The following SPTBN2 variants were observed in gnomAD, a reference collection of about 807,000 sequenced individuals.
SPTBN2 encodes spectrin beta chain, non-erythrocytic 2.
A neutral mutation model predicts 284.2 loss-of-function variants in SPTBN2; 107 were observed. That is an observed-to-expected ratio of 0.38 (90% CI 0.32 to 0.44). The LOEUF is 0.44. SPTBN2 is among the 20% of genes least tolerant of loss of function. The pLI is 1.00. For synonymous variants in SPTBN2, 1,289 were observed against 1,354.8 expected, an observed-to-expected ratio of 0.95 and a Z score of 1.07; for missense variants, 2,569 against 3,287.1, an observed-to-expected ratio of 0.78 and a Z score of 5.34.
chr11:66,715,288 A>T lies in SPTBN2; in HGVS notation c.417T>A (p.His139Gln). The change falls in exon 5 of 38, where the codon CAT (histidine) becomes CAA (glutamine). Residue 139 changes from histidine to glutamine, a missense_variant. His to Gln is a conservative substitution (Grantham distance 24). This residue lies in a region of SPTBN2 where 304 missense variants were observed against 522.1 expected (regional missense o/e 0.58). Transcript: ENST00000533211. The surrounding 1 kb of genome is among the most constrained non-coding windows in gnomAD (Gnocchi z 5.3). The stretch of plus-strand genomic sequence containing the variant: ...GTCGGTGGTTTCCGTCCACAATGTC[A>T]TGGGAGCCCATGTTTTCCAAGTGCA... ...QKVHLENMGS[H>Q]DIVDGNHRLT... 1 of 1,614,226 alleles carries T rather than the reference A, an allele frequency of 6.2e-7. No homozygotes were observed. Among genetic ancestry groups the T allele is most frequent in the Non-Finnish European group, 8.5e-7 (1 of 1,180,032 alleles).
intron 3 of SPTBN2, 80 bp downstream of exon 3, chr11:66,721,004 A>G: frequency 1.3e-6 from 2 of 1,590,656 alleles, no homozygotes; most frequent in Non-Finnish European, 8.6e-7. Flanking sequence ...CAGTCTTCCC[A>G]TAAAGTTAAA....
At position 66,690,078 on chromosome 11, in the gene SPTBN2, T is replaced by C; in HGVS notation, c.5771A>G (p.Asp1924Gly). The change falls in exon 28 of 38, where the codon GAT (aspartate) becomes GGT (glycine). Residue 1924 changes from aspartate to glycine, a missense_variant. By Grantham distance (94) the Asp-to-Gly change is moderately conservative. Coordinates refer to ENST00000533211, the MANE Select transcript of SPTBN2 (RefSeq NM_006946.4). Reference sequence around the variant, plus strand: ...GGCATCCATCTGCAGGTTGACCTCATCCATCCAGAGCATCAGTTCCCGGAC... The same window carrying C: ...GGCATCCATCTGCAGGTTGACCTCACCCATCCAGAGCATCAGTTCCCGGAC... Reference protein sequence around the residue: ...KAVRELMLWMDEVNLQMDAQE... With the variant: ...KAVRELMLWMGEVNLQMDAQE... 2 of 1,614,230 alleles carry C rather than the reference T, an allele frequency of 1.2e-6. No individual in the cohort carries two copies. Among genetic ancestry groups the C allele is most frequent in the Non-Finnish European group, 8.5e-7 (1 of 1,180,038 alleles).
intron 1 of SPTBN2, among the ~76,000 whole-genome samples, chr11:66,734,292 T>C (rs1392001220): frequency 6.6e-6 from 1 of 151,954 alleles, no homozygotes; most frequent in African/African-American, 2.4e-5. Flanking sequence ...GCGGCTAGAG[T>C]AGTCTCTTTA....
rs1940705499 is a variant in SPTBN2 at position 66,693,491 on chromosome 11, GC to G, written c.4594-46del. Reference sequence around the variant, plus strand: ...AGAAAATGCTGAAAGTCCTGCCCCAGCCCCACGTGCTCCCGGAGACCACCCT... The same window carrying G: ...AGAAAATGCTGAAAGTCCTGCCCCAGCCCACGTGCTCCCGGAGACCACCCT... On this transcript the variant is annotated intron_variant, in intron 23 of 37. Coordinates refer to ENST00000533211, the MANE Select transcript of SPTBN2 (RefSeq NM_006946.4). The surrounding 1 kb of genome is among the most constrained non-coding windows in gnomAD (Gnocchi z 5.7). 1.3e-6 allele frequency: 2 copies of G among 1,571,330 alleles called. No individual in the cohort carries two copies. Among genetic ancestry groups the G allele is most frequent in the African/African-American group, 2.7e-5 (2 of 74,090 alleles).
upstream of SPTBN2, among the ~76,000 whole-genome samples, chr11:66,729,967 A>G (rs1209324889): frequency 6.6e-6 from 1 of 151,508 alleles, no homozygotes; most frequent in Non-Finnish European, 1.5e-5. Flanking sequence ...ATGCCCGACT[A>G]ATTTTTGTAT....
rs965130961 is a variant in SPTBN2, at chr11:66,708,759, G to A, written c.1191+143C>T. On this transcript the variant is annotated intron_variant, in intron 11 of 37. Coordinates refer to ENST00000533211, the MANE Select transcript of SPTBN2 (RefSeq NM_006946.4). The surrounding 1 kb of genome is among the most constrained non-coding windows in gnomAD (Gnocchi z 4.4). ...CACATCTGGCACAGTGTGGGCAGCTGGGCAGAGTGCTCGAGTTTCAAGTTG... is the reference window on the plus strand; with the variant it reads ...CACATCTGGCACAGTGTGGGCAGCTAGGCAGAGTGCTCGAGTTTCAAGTTG... The A allele has an allele frequency of 5.8e-6, 4 of 686,908 alleles. No individual in the cohort carries two copies. Among genetic ancestry groups the A allele is most frequent in the Non-Finnish European group, 1.0e-5 (4 of 390,582 alleles). The allele number at this position is 686,908 out of a possible 1,614,324, so 42.6% of individuals were successfully genotyped here.
chr11:66,722,524 C>T (rs1213346952), intron 1 of SPTBN2, among the ~76,000 whole-genome samples: 5 of 144,314 alleles, frequency 3.5e-5, no homozygotes, highest in African/African-American at 5.2e-5. Context: ...TGCAGTGAGC[C>T]GAGATCTCGC....
At chr11:66,716,428 C>T (rs185600787) in intron 3 of SPTBN2, among the ~76,000 whole-genome samples, 1 of 150,770 alleles carries the variant, frequency 6.6e-6, no homozygotes, top group African/African-American at 2.4e-5. Flanking sequence ...TGCAGGGAGC[C>T]GAGATTGTGC....
At chr11:66,724,180 G>T (rs1180913127) in intron 1 of SPTBN2, among the ~76,000 whole-genome samples, 2 of 152,174 alleles carry the variant, frequency 1.3e-5, no homozygotes, top group Non-Finnish European at 2.9e-5. Context: ...CAGCACTTTG[G>T]GAGGCCAAGG....
chr11:66,707,393 G>T lies in SPTBN2; in HGVS notation c.1653+123C>A. ...GTTTACTTTGTTCCCTGCAACTGGG[G>T]ACAGGGCCCTGTGCTGGTTCACACT... On this transcript the variant is annotated intron_variant, in intron 13 of 37. Transcript: ENST00000533211. This position sits in a 1 kb window ranked among gnomAD's most constrained non-coding sequence, Gnocchi z 4.9. The T allele has an allele frequency of 9.6e-7, 1 of 1,045,384 alleles. No individual in the cohort carries two copies. Among genetic ancestry groups the T allele is most frequent in the South Asian group, 1.5e-5 (1 of 65,348 alleles). 64.8% of individuals were successfully genotyped at this position (1,045,384 alleles called of 1,614,324 possible). A position where few individuals can be genotyped will look rare whatever the true frequency, so the allele number is the denominator to read the frequency against.
In SPTBN2 at chr11:66,686,874, G is replaced by C. The variant is rs1288988278; in HGVS notation, c.6896+120C>G. ...CATCTACACTATCCCCAAGTGGCTG[G>C]CCTGGTTACTCCACTCAGGCTCCTT... On this transcript the variant is annotated intron_variant, in intron 36 of 37. Coordinates refer to ENST00000533211, the MANE Select transcript of SPTBN2 (RefSeq NM_006946.4). 6 of 1,348,888 alleles carry C rather than the reference G, an allele frequency of 4.4e-6. No homozygotes were observed. In the African/African-American group the frequency reaches 8.6e-5, roughly 19 times the overall value. The allele number at this position is 1,348,888 out of a possible 1,614,324, so 83.6% of individuals were successfully genotyped here.
rs1940523290 is a variant in SPTBN2 at position 66,691,244 on chromosome 11, T to G, written c.5565+40A>C. The G allele has an allele frequency of 6.7e-7, 1 of 1,502,572 alleles. No individual in the cohort carries two copies. Among genetic ancestry groups the G allele is most frequent in the Non-Finnish European group, 8.9e-7 (1 of 1,124,856 alleles). The allele number at this position is 1,502,572 out of a possible 1,614,324, so 93.1% of individuals were successfully genotyped here. ...TCTCCCCGGCATTTCCCCCATGGCC[T>G]CCTCTAAGCCTCCCCCACCTCCTCA... On this transcript the variant is annotated intron_variant, in intron 27 of 37. Transcript: ENST00000533211. This position sits in a 1 kb window ranked among gnomAD's most constrained non-coding sequence, Gnocchi z 8.0.
At chr11:66,714,039 G>A (rs1030335696) in intron 7 of SPTBN2, 52 bp downstream of exon 7, 5 of 1,581,896 alleles carry the variant, frequency 3.2e-6, no homozygotes, top group Non-Finnish European at 4.3e-6. Flanking sequence ...TGCACCCCAG[G>A]TCATTAGCCG....
intron 1 of SPTBN2, among the ~76,000 whole-genome samples, chr11:66,740,557 A>G (rs975910259): frequency 5.3e-5 from 8 of 152,152 alleles, no homozygotes; most frequent in African/African-American, 1.9e-4. Context: ...TGAAGGGATG[A>G]GCTAATCTGA....
At chr11:66,699,966 TC>T (rs1384390652) in intron 17 of SPTBN2, among the ~76,000 whole-genome samples, 6 of 152,278 alleles carry the variant, frequency 3.9e-5, no homozygotes, top group Non-Finnish European at 7.4e-5. Flanking sequence ...TTTTTCTTTT[TC>T]TTTTTTTTGA....
chr11:66,704,729 C>T lies in SPTBN2; in HGVS notation c.2547G>A (p.Glu849=), dbSNP rs767066674. The T allele has an allele frequency of 4.4e-6, 7 of 1,604,630 alleles. No homozygotes were observed. In the South Asian group the frequency reaches 7.8e-5, roughly 18 times the overall value. The stretch of plus-strand genomic sequence containing the variant: ...GCATGGTGTAGAGCGCCAGGGCTGC[C>T]TCCAAGGCCCGCGCTCGCTCGCCTG... The part of the protein sequence containing the change: ...ARAGERARAL[E]AALALYTMLS... The change falls in exon 15 of 38, where the codon GAG becomes GAA. Residue 849 remains glutamate, a synonymous_variant. Transcript: ENST00000533211.
In SPTBN2 at chr11:66,689,182, TG is replaced by T; in HGVS notation, c.5950-3del. ...CAGCTGAGACAGCTTCTCTGAGATCTGGGGGCGGGGGGCAGAGATATGAGTT... is the reference window on the plus strand; with the variant it reads ...CAGCTGAGACAGCTTCTCTGAGATCTGGGGCGGGGGGCAGAGATATGAGTT... On this transcript the variant is annotated splice_polypyrimidine_tract_variant and splice_region_variant and intron_variant, in intron 29 of 37. Coordinates refer to ENST00000533211, the MANE Select transcript of SPTBN2 (RefSeq NM_006946.4). 2 of 1,602,562 alleles carry T rather than the reference TG, an allele frequency of 1.2e-6. No homozygotes were observed. The highest frequency in any genetic ancestry group is 1.7e-5 in the Admixed American group (1 of 58,896).
chr11:66,716,034 T>A, intron 3 of SPTBN2, 53 bp from the exon 4 acceptor site: 1 of 1,612,158 alleles, frequency 6.2e-7, no homozygotes, highest in Non-Finnish European at 8.5e-7. Context: ...TATGCCTGCT[T>A]CTAAACACCA....
chr11:66,726,794 G>A (rs542857886), intron 1 of SPTBN2, among the ~76,000 whole-genome samples: 5 of 152,132 alleles, frequency 3.3e-5, no homozygotes, highest in Admixed American at 1.3e-4. Flanking sequence ...GAAGAAATGG[G>A]GACTTTGGCA....
Sources: allele counts gnomAD v4.1 joint callset (sites outside exome capture counted in the v4.1 genomes callset), GRCh38; gene constraint gnomAD v4.1.1; regional missense constraint gnomAD v4.1.1; non-coding constraint Gnocchi (gnomAD v3.1); transcripts MANE v1.5; gene names NCBI Gene and HGNC (gene_info 2026-07-23, HGNC 2026-07-21).